TBC1D19: variants seen among roughly 807,000 people sequenced by gnomAD.
The protein encoded by TBC1D19 is TBC1 domain family, member 19.
In TBC1D19, 60 loss-of-function variants were observed where a neutral mutation model predicts 89.0. That is an observed-to-expected ratio of 0.67 (90% CI 0.55 to 0.84). The LOEUF (loss-of-function observed/expected upper bound fraction) is 0.84, where lower values mean the gene tolerates loss of function less well. Ranked by LOEUF, TBC1D19 falls within the 40% of genes least tolerant of loss-of-function variation. The pLI is 0.00. For synonymous variants in TBC1D19, 189 were observed against 199.7 expected (o/e 0.95, Z 0.45); for missense variants, 500 against 610.8 (o/e 0.82, Z 1.91).
At chr4:26,649,745 G>T (rs563843492) in intron 7 of TBC1D19, among the ~76,000 whole-genome samples, 8 of 151,544 alleles carry the variant, frequency 5.3e-5, no homozygotes, top group African/African-American at 1.9e-4. Context: ...AAGTTTTAGG[G>T]TACATGTGCA....
chr4:26,616,052 T>C (rs1306384802), intron 3 of TBC1D19, among the ~76,000 whole-genome samples: 1 of 152,114 alleles, frequency 6.6e-6, no homozygotes, highest in Non-Finnish European at 1.5e-5. Context: ...AATAACTCGT[T>C]GGGATTTTTT....
chr4:26,836,109 C>G, the TBC1D19 span, among the ~76,000 whole-genome samples: 1 of 152,096 alleles, frequency 6.6e-6, no homozygotes, highest in Non-Finnish European at 1.5e-5. Flanking sequence ...GGAAGCACTT[C>G]CTGACCCTTC....
At chr4:26,774,498 G>A in the TBC1D19 span, among the ~76,000 whole-genome samples, 21 of 152,138 alleles carry the variant, frequency 1.4e-4, no homozygotes, top group Non-Finnish European at 2.9e-4. Context: ...CTCTGCATTT[G>A]TTGTCAGCGT....
At chr4:26,834,032 G>A in the TBC1D19 span, among the ~76,000 whole-genome samples, 4 of 152,156 alleles carry the variant, frequency 2.6e-5, no homozygotes, top group East Asian at 1.9e-4. Context: ...TGTTGTTCTC[G>A]TGATAGTCAG....
At chr4:26,737,963 G>A (rs1272957315) in intron 16 of TBC1D19, among the ~76,000 whole-genome samples, 1 of 152,004 alleles carries the variant, frequency 6.6e-6, no homozygotes, top group African/African-American at 2.4e-5. Context: ...AAGTTTTATT[G>A]TAGGTGTATA....
intron 4 of TBC1D19, among the ~76,000 whole-genome samples, chr4:26,621,154 A>T (rs1425886181): frequency 6.6e-6 from 1 of 152,238 alleles, no homozygotes; most frequent in African/African-American, 2.4e-5. Context: ...TAAACCTGCT[A>T]TCAAAATGGG....
chr4:26,646,135 A>G (rs1245096698), intron 7 of TBC1D19, among the ~76,000 whole-genome samples: 1 of 151,102 alleles, frequency 6.6e-6, no homozygotes, highest in Non-Finnish European at 1.5e-5. Flanking sequence ...AAAAAAAAAA[A>G]AAAAAAAAAG....
At chr4:26,831,081 C>A in the TBC1D19 span, among the ~76,000 whole-genome samples, 1 of 152,152 alleles carries the variant, frequency 6.6e-6, no homozygotes, top group East Asian at 1.9e-4. Flanking sequence ...ACACAAATTT[C>A]ATATATCACA....
the TBC1D19 span, among the ~76,000 whole-genome samples, chr4:26,770,756 C>T: frequency 6.6e-6 from 1 of 151,860 alleles, no homozygotes; most frequent in Non-Finnish European, 1.5e-5. Context: ...AGGATTCAAG[C>T]CATATAAAGT....
intron 7 of TBC1D19, among the ~76,000 whole-genome samples, chr4:26,646,659 G>A (rs527634597): frequency 6.6e-6 from 1 of 152,342 alleles, no homozygotes; most frequent in African/African-American, 2.4e-5. Flanking sequence ...CAACATGGAT[G>A]AAGTGGGAAA....
At chr4:26,688,829 A>T (rs898736443) in intron 13 of TBC1D19, among the ~76,000 whole-genome samples, 1 of 152,092 alleles carries the variant, frequency 6.6e-6, no homozygotes, top group Non-Finnish European at 1.5e-5. Flanking sequence ...TGATCATTTC[A>T]TTTGCAGATA....
intron 4 of TBC1D19, 45 bp from the exon 5 acceptor site, chr4:26,637,166 A>T (rs1370674453): frequency 7.6e-7 from 1 of 1,319,130 alleles, no homozygotes; most frequent in Non-Finnish European, 1.1e-6. Flanking sequence ...TATTAGTTTT[A>T]GTATTGTTAC....
intron 7 of TBC1D19, among the ~76,000 whole-genome samples, chr4:26,654,506 TA>T (rs1279690500): frequency 6.6e-6 from 1 of 152,216 alleles, no homozygotes; most frequent in African/African-American, 2.4e-5. Context: ...CACTTTCAGG[TA>T]CACCAGTCAG....
At position 26,673,446 on chromosome 4, in the gene TBC1D19, T is replaced by TATATATATACACACAC. The variant is rs373807642; in HGVS notation, c.704-329_704-328insTATATATACACACACA. Among the ~76,000 whole-genome samples, 482 of 90,826 alleles carry TATATATATACACACAC rather than the reference T, an allele frequency of 5.3e-3. 3 individuals are homozygous for TATATATATACACACAC. The highest frequency in any genetic ancestry group is 6.0e-3 in the East Asian group (18 of 2,990). 59.6% of individuals were successfully genotyped at this position (90,826 alleles called of 152,430 possible). A position where few individuals can be genotyped will look rare whatever the true frequency, so the allele number is the denominator to read the frequency against. On this transcript the variant is annotated intron_variant, in intron 10 of 20. Transcript: ENST00000264866. The stretch of plus-strand genomic sequence containing the variant: ...TTTCATATATATATATATATATATA[T>TATATATATACACACAC]ACACACACACACACACACACACACA...
the TBC1D19 span, among the ~76,000 whole-genome samples, chr4:26,819,442 A>T: frequency 6.6e-6 from 1 of 152,206 alleles, no homozygotes; most frequent in Non-Finnish European, 1.5e-5. Flanking sequence ...CCACATGGAC[A>T]CAAGAAAGAA....
chr4:26,686,073 G>T (rs1363094706), intron 12 of TBC1D19, among the ~76,000 whole-genome samples: 2 of 152,074 alleles, frequency 1.3e-5, no homozygotes, highest in East Asian at 1.9e-4. Context: ...ACTTAGTTGG[G>T]CTCTGCCAAT....
intron 13 of TBC1D19, among the ~76,000 whole-genome samples, chr4:26,691,353 G>A (rs1048982594): frequency 6.6e-6 from 1 of 152,148 alleles, no homozygotes; most frequent in African/African-American, 2.4e-5. Flanking sequence ...GGGTTCAAGC[G>A]AATTGACTCC....
intron 20 of TBC1D19, 192 bp downstream of exon 20, chr4:26,754,082 T>C: frequency 1.8e-6 from 1 of 543,432 alleles, no homozygotes; most frequent in Non-Finnish European, 3.3e-6. Flanking sequence ...AAAGTCTTCT[T>C]ATGAAGGAGT....
At chr4:26,784,036 C>T in the TBC1D19 span, among the ~76,000 whole-genome samples, 1 of 152,188 alleles carries the variant, frequency 6.6e-6, no homozygotes, top group Non-Finnish European at 1.5e-5. Flanking sequence ...AACTTATCCT[C>T]CATCCTCCTG....
Sources: gnomAD v4.1 joint callset for allele counts (sites outside exome capture counted in the v4.1 genomes callset) on GRCh38, gnomAD v4.1.1 for gene constraint, MANE v1.5 for transcripts, NCBI Gene and HGNC (gene_info 2026-07-23, HGNC 2026-07-21) for gene names.